Variants in SPTBN5 observed in about 807,000 individuals in gnomAD.
The protein encoded by SPTBN5 is spectrin beta, non-erythrocytic 5, also known as spectrin beta chain, non-erythrocytic 5.
A neutral mutation model predicts 477.6 loss-of-function variants in SPTBN5; 513 were observed. The ratio of observed to expected loss-of-function variants is 1.07; its 90% CI spans 1.00 to 1.16. SPTBN5 has a LOEUF of 1.16. Ranked by LOEUF, SPTBN5 falls within the 50% of genes most tolerant of loss-of-function variation. SPTBN5 has a pLI of 0.00. For synonymous variants in SPTBN5, 2,169 were observed against 2,011.7 expected, an observed-to-expected ratio of 1.08 and a Z score of -2.09; for missense variants, 5,062 against 4,731.8, an observed-to-expected ratio of 1.07 and a Z score of -2.05.
At chr15:41,864,057 C>T (rs748336990) in intron 39 of SPTBN5, 33 bp from the exon 40 acceptor site, 28 of 1,553,764 alleles carry the variant, frequency 1.8e-5, no homozygotes, top group Non-Finnish European at 2.4e-5. Context: ...GGCATTGGCA[C>T]CCCCCATGCA....
At position 41,862,311 on chromosome 15, in the gene SPTBN5, A is replaced by T; in HGVS notation, c.7386-19T>A. 1 of 1,575,766 alleles carries T rather than the reference A, an allele frequency of 6.3e-7. No individual in the cohort carries two copies. The highest frequency in any genetic ancestry group is 8.6e-7 in the Non-Finnish European group (1 of 1,158,840). On this transcript the variant is annotated intron_variant, in intron 43 of 67. Coordinates refer to ENST00000320955, the MANE Select transcript of SPTBN5 (RefSeq NM_016642.4). ...CTCCCTCCTGCCCACAGCGCTCATCAGCTAGTCGTCAGGCCTTCAAACCCC... is the reference window on the plus strand; with the variant it reads ...CTCCCTCCTGCCCACAGCGCTCATCTGCTAGTCGTCAGGCCTTCAAACCCC...
chr15:41,882,739 C>T lies in SPTBN5; in HGVS notation c.1893-1G>A. The stretch of plus-strand genomic sequence containing the variant: ...CAGGGTCTGCTCCAGCAGGGCCCGC[C>T]TGAGGGACAATAGGGGCCACCGAAG... On this transcript the variant is annotated splice_acceptor_variant, in intron 9 of 67. Coordinates refer to ENST00000320955, the MANE Select transcript of SPTBN5 (RefSeq NM_016642.4). LOFTEE classifies it high-confidence loss of function. 1 of 1,608,740 alleles carries T rather than the reference C, an allele frequency of 6.2e-7. No individual in the cohort carries two copies. The highest frequency in any genetic ancestry group is 8.5e-7 in the Non-Finnish European group (1 of 1,177,858).
chr15:41,855,403 C>T lies in SPTBN5; in HGVS notation c.9244G>A (p.Ala3082Thr). The change falls in exon 55 of 68, where the codon GCA becomes ACA. Residue 3082 changes from alanine to threonine, a missense_variant. Physicochemically the swap from Ala to Thr is moderately conservative, Grantham distance 58. Transcript: ENST00000320955. ...ESPKVLAQLQ[A>T]VREAHAELLR... ...AGCTCTGCGTGGGCCTCCCGAACTGCCTGCAGCTGGGCTAGCACCTTGGGG... is the reference window on the plus strand; with the variant it reads ...AGCTCTGCGTGGGCCTCCCGAACTGTCTGCAGCTGGGCTAGCACCTTGGGG... 2 of 1,604,160 alleles carry T rather than the reference C, an allele frequency of 1.2e-6. No homozygotes were observed. The highest frequency in any genetic ancestry group is 1.7e-6 in the Non-Finnish European group (2 of 1,178,610).
chr15:41,878,679 G>A, intron 16 of SPTBN5, 50 bp from the exon 17 acceptor site: 1 of 1,554,966 alleles, frequency 6.4e-7, no homozygotes, highest in South Asian at 1.2e-5. Context: ...TGGGCCTGGT[G>A]CCCCAGGCAC....
chr15:41,855,968 A>C (rs571396680), intron 53 of SPTBN5, among the ~76,000 whole-genome samples: 13 of 152,358 alleles, frequency 8.5e-5, no homozygotes, highest in Admixed American at 6.5e-5. Context: ...TGCAAAATAG[A>C]CATTTTATTC....
In SPTBN5 at chr15:41,853,385, CCCGCCACGTCCTCAGCCA is replaced by C; in HGVS notation, c.10025_10042del (p.Leu3342_Gly3348delinsArg). On this transcript the variant is annotated inframe_deletion, in exon 59 of 68. Coordinates refer to ENST00000320955, the MANE Select transcript of SPTBN5 (RefSeq NM_016642.4). ...ATGCTGCCCAAGGAGCTGCTCAGCCCCCGCCACGTCCTCAGCCAGCTCCTCGGAGGACGCCAGCTCCTG... is the reference window on the plus strand; with the variant it reads ...ATGCTGCCCAAGGAGCTGCTCAGCCCGCTCCTCGGAGGACGCCAGCTCCTG... 1 of 1,608,986 alleles carries C rather than the reference CCCGCCACGTCCTCAGCCA, an allele frequency of 6.2e-7. No individual in the cohort carries two copies. The highest frequency in any genetic ancestry group is 1.1e-5 in the South Asian group (1 of 90,870).
intron 23 of SPTBN5, among the ~76,000 whole-genome samples, 155 bp downstream of exon 23, chr15:41,874,687 A>C (rs1477606351): frequency 1.3e-5 from 2 of 152,210 alleles, no homozygotes; most frequent in Non-Finnish European, 1.5e-5. Flanking sequence ...GGTCCTGCTA[A>C]GGAAGCATAA....
chr15:41,874,140 C>A, intron 24 of SPTBN5, 95 bp from the exon 25 acceptor site: 3 of 1,503,402 alleles, frequency 2.0e-6, no homozygotes, highest in Admixed American at 2.0e-5. Flanking sequence ...CATGGCAAGA[C>A]CCCCAGGGTC....
intron 1 of SPTBN5, 96 bp from the exon 2 acceptor site, chr15:41,893,642 TG>T: frequency 2.1e-6 from 3 of 1,405,220 alleles, no homozygotes; most frequent in African/African-American, 1.4e-5. Context: ...TCACATTTCA[TG>T]GGGGTTGCAG....
chr15:41,875,203 C>A, intron 22 of SPTBN5, 147 bp from the exon 23 acceptor site: 1 of 883,080 alleles, frequency 1.1e-6, no homozygotes, highest in Non-Finnish European at 1.7e-6. Flanking sequence ...CAGAAGTGCC[C>A]AATCTTCCCC....
chr15:41,873,537 A>G lies in SPTBN5; in HGVS notation c.4962T>C (p.Tyr1654=), dbSNP rs1428435931. Reference sequence around the variant, plus strand: ...TGAGGGTGGCTGCCTCGTCTCTGCCATAGTCCCGACTGCTCACCAGCGGCC... The same window carrying G: ...TGAGGGTGGCTGCCTCGTCTCTGCCGTAGTCCCGACTGCTCACCAGCGGCC... ...EKRPLVSSRD[Y]GRDEAATLRL... The change falls in exon 26 of 68, where the codon TAT becomes TAC. Residue 1654 remains tyrosine (Y), a synonymous_variant. Coordinates refer to ENST00000320955, the MANE Select transcript of SPTBN5 (RefSeq NM_016642.4). The G allele has an allele frequency of 1.3e-6, 2 of 1,551,948 alleles. No homozygotes were observed. The highest frequency in any genetic ancestry group is 1.7e-6 in the Non-Finnish European group (2 of 1,147,208).
rs751173688 is a variant in SPTBN5 at position 41,874,975 on chromosome 15, G to T, written c.4369C>A (p.Leu1457Met). 7.4e-6 allele frequency: 12 copies of T among 1,613,632 alleles called. No homozygotes were observed. The highest frequency in any genetic ancestry group is 6.7e-5 in the Admixed American group (4 of 60,004). Residue 1457 changes from leucine to methionine, a missense_variant, in exon 23 of 68, where the codon CTG becomes ATG. Transcript: ENST00000320955. ...TGQDLRSSQR[L>M]QKRHQQLESE... ...TCCAGCTGTTGGTGCCGTTTCTGCA[G>T]CCTCTGGCTGGAGCGCAGGTCCTGC...
At chr15:41,871,644 G>C in intron 28 of SPTBN5, 124 bp from the exon 29 acceptor site, 4 of 1,405,902 alleles carry the variant, frequency 2.8e-6, no homozygotes, top group Non-Finnish European at 3.7e-6. Flanking sequence ...GCGTCTGCCC[G>C]CTCCACTGAG....
At chr15:41,851,447 T>C in intron 63 of SPTBN5, 78 bp from the exon 64 acceptor site, 1 of 1,037,686 alleles carries the variant, frequency 9.6e-7, no homozygotes, top group Non-Finnish European at 1.4e-6. Flanking sequence ...CCTCACCATG[T>C]GTGTGGAGCT....
At position 41,855,602 on chromosome 15, in the gene SPTBN5, G is replaced by A. The variant is rs374980751; in HGVS notation, c.9165C>T (p.Ile3055=). The change falls in exon 54 of 68, where the codon ATC becomes ATT. Residue 3055 remains isoleucine (I), a synonymous_variant. Transcript: ENST00000320955. Reference sequence around the variant, plus strand: ...GTGCTGCTGTCTGCTGCAGCCGCTCGATGCGTGGGCTGAACGCTTCCAGGT... The same window carrying A: ...GTGCTGCTGTCTGCTGCAGCCGCTCAATGCGTGGGCTGAACGCTTCCAGGT... ...KRDLEAFSPR[I]ERLQQTAALL... 1,508 of 1,611,652 alleles carry A rather than the reference G, an allele frequency of 9.4e-4. 5 individuals carry two copies. The highest frequency in any genetic ancestry group is 1.5e-3 in the Admixed American group (90 of 59,984).
rs1567225552 is a variant in SPTBN5, at chr15:41,882,156, G to C, written c.2248-11C>G. On this transcript the variant is annotated splice_polypyrimidine_tract_variant and intron_variant, in intron 11 of 67. Transcript: ENST00000320955. ...CGCGTCCGCGAAGTACTGTGGGAGGGGGTCGGGGGTGGTGTGGGTGAAGGG... is the reference window on the plus strand; with the variant it reads ...CGCGTCCGCGAAGTACTGTGGGAGGCGGTCGGGGGTGGTGTGGGTGAAGGG... 9 of 1,561,530 alleles carry C rather than the reference G, an allele frequency of 5.8e-6. No individual in the cohort carries two copies. Among genetic ancestry groups the C allele is most frequent in the Middle Eastern group, 2.3e-4 (1 of 4,348 alleles).
chr15:41,890,163 C>G lies in SPTBN5; in HGVS notation c.427G>C (p.Asp143His). Residue 143 changes from aspartate to histidine, a missense_variant, in exon 4 of 68, where the codon GAC becomes CAC. By Grantham distance (81) the Asp-to-His change is moderately conservative. Transcript: ENST00000320955. Reference sequence around the variant, plus strand: ...ATGAGTCCCAGGATGAGTGTCTGGTCTCCGTCCACGATGTTCTCTGGCCCG... The same window carrying G: ...ATGAGTCCCAGGATGAGTGTCTGGTGTCCGTCCACGATGTTCTCTGGCCCG... ...LIGPENIVDG[D>H]QTLILGLIWV... The G allele has an allele frequency of 6.2e-7, 1 of 1,613,150 alleles. No individual in the cohort carries two copies. Among genetic ancestry groups the G allele is most frequent in the African/African-American group, 1.3e-5 (1 of 75,010 alleles).
At chr15:41,877,518 C>T (rs909205250) in intron 17 of SPTBN5, among the ~76,000 whole-genome samples, 162 bp from the exon 18 acceptor site, 3 of 152,244 alleles carry the variant, frequency 2.0e-5, no homozygotes, top group African/African-American at 4.8e-5. Flanking sequence ...AATCCCCCAT[C>T]GGCTCCAGCC....
rs948788743 is a variant in SPTBN5, at chr15:41,855,708, T to TG, written c.9058dup (p.His3020ProfsTer13). The TG allele has an allele frequency of 1.3e-6, 2 of 1,597,610 alleles. No homozygotes were observed. The highest frequency in any genetic ancestry group is 3.4e-5 in the Admixed American group (2 of 58,646). On this transcript the variant is annotated frameshift_variant, in exon 54 of 68. Coordinates refer to ENST00000320955, the MANE Select transcript of SPTBN5 (RefSeq NM_016642.4). LOFTEE classifies it high-confidence loss of function. ...GCCCATGTCCTCGCTGTCCAGGACA[T>TG]GGCCCCGCTCAGCCAGCCAGGATCC...
Sources: gnomAD v4.1 joint callset for allele counts (sites outside exome capture counted in the v4.1 genomes callset) on GRCh38, gnomAD v4.1.1 for gene constraint, MANE v1.5 for transcripts, NCBI Gene and HGNC (gene_info 2026-07-23, HGNC 2026-07-21) for gene names.